The following WDR3 variants were observed in gnomAD, a reference collection of about 807,000 sequenced individuals.
WDR3 encodes WD repeat-containing protein 3.
A neutral mutation model predicts 123.7 loss-of-function variants in WDR3; 81 were observed. The observed-to-expected ratio is 0.65, with a 90% confidence interval of 0.55 to 0.79. The LOEUF (loss-of-function observed/expected upper bound fraction) is 0.79, where lower values mean the gene tolerates loss of function less well. WDR3 is among the 30% of genes least tolerant of loss of function. WDR3 has a pLI of 0.00. For synonymous variants in WDR3, 390 were observed against 388.8 expected (o/e 1.00, Z -0.04); for missense variants, 1,027 against 1,123.2 (o/e 0.91, Z 1.22).
Position 117,938,547 on chromosome 1 carries a change from C to T in WDR3, c.568C>T (p.His190Tyr). The T allele has an allele frequency of 1.2e-6, 2 of 1,613,136 alleles. No individual in the cohort carries two copies. The highest frequency in any genetic ancestry group is 8.5e-7 in the Non-Finnish European group (1 of 1,179,308). The change falls in exon 5 of 27, where the codon CAC (histidine) becomes TAC (tyrosine). Residue 190 changes from histidine to tyrosine, a missense_variant. Physicochemically the swap from His to Tyr is moderately conservative, Grantham distance 83. Transcript: ENST00000349139. ...GCACTGCTTTAAAACAATGGTTGGCCACCGGACTGAGGTAAGTGTAGGGTC... is the reference window on the plus strand; with the variant it reads ...GCACTGCTTTAAAACAATGGTTGGCTACCGGACTGAGGTAAGTGTAGGGTC... ...TQHCFKTMVG[H>Y]RTEVWGLVLL...
At chr1:117,938,150 C>T (rs979666364) in intron 4 of WDR3, among the ~76,000 whole-genome samples, 4 of 152,104 alleles carry the variant, frequency 2.6e-5, no homozygotes, top group African/African-American at 9.7e-5. Context: ...AAGATGTTTC[C>T]ATGGTAGACT....
chr1:117,959,301 G>A lies in WDR3; in HGVS notation c.2686G>A (p.Gly896Ser), dbSNP rs1652689586. Residue 896 changes from glycine (G) to serine (S), a missense_variant, in exon 27 of 27, where the codon GGC (glycine) becomes AGC (serine). Transcript: ENST00000349139. ...SKVSQVRDVIGFNMAGLDYLK... is the reference protein window; with the variant it reads ...SKVSQVRDVISFNMAGLDYLK... Reference sequence around the variant, plus strand: ...TTGTATTGCACTCCAGGATGTTATCGGCTTCAATATGGCTGGTCTTGATTA... The same window carrying A: ...TTGTATTGCACTCCAGGATGTTATCAGCTTCAATATGGCTGGTCTTGATTA... The A allele has an allele frequency of 6.8e-6, 11 of 1,609,648 alleles. No individual in the cohort carries two copies. Among genetic ancestry groups the A allele is most frequent in the South Asian group, 2.2e-5 (2 of 89,644 alleles).
At chr1:117,938,431 T>A in intron 4 of WDR3, 49 bp from the exon 5 acceptor site, 1 of 1,504,270 alleles carries the variant, frequency 6.6e-7, no homozygotes, top group Non-Finnish European at 9.2e-7. Context: ...ATTCGTTGAA[T>A]GAGTTTTCCT....
intron 20 of WDR3, 40 bp from the exon 21 acceptor site, chr1:117,953,436 A>G: frequency 6.3e-7 from 1 of 1,593,424 alleles, no homozygotes; most frequent in Non-Finnish European, 8.6e-7. Flanking sequence ...TTAACTCAAC[A>G]GTCAACAGTG....
At position 117,964,069 on chromosome 1, in the gene WDR3, A is replaced by T; in HGVS notation, c.*4622A>T. On this transcript the variant is annotated 3_prime_UTR_variant, in exon 27 of 27. Transcript: ENST00000349139. ...TCAATTTTAGGTAACTGTCTATCCA[A>T]TGCAAATTCTGCATGCTCAGGCTTG... The T allele has an allele frequency of 9.8e-7, 1 of 1,019,064 alleles. No homozygotes were observed. The highest frequency in any genetic ancestry group is 2.5e-5 in the East Asian group (1 of 40,138). 63.1% of individuals were successfully genotyped at this position (1,019,064 alleles called of 1,614,324 possible). A position where few individuals can be genotyped will look rare whatever the true frequency, so the allele number is the denominator to read the frequency against.
intron 12 of WDR3, among the ~76,000 whole-genome samples, chr1:117,947,684 G>T (rs900285068): frequency 2.6e-5 from 4 of 152,122 alleles, no homozygotes; most frequent in African/African-American, 7.2e-5. Context: ...GAAAAACTAG[G>T]TTCATGGGGA....
Position 117,963,955 on chromosome 1 carries a change from G to A in WDR3, c.*4508G>A. On this transcript the variant is annotated 3_prime_UTR_variant, in exon 27 of 27. Transcript: ENST00000349139. ...TTAAAACAGGTAAAATACTTGTTAA[G>A]GGCTGTGCTTTTCATGACTAAATTA... 1 of 1,602,742 alleles carries A rather than the reference G, an allele frequency of 6.2e-7. No homozygotes were observed. Among genetic ancestry groups the A allele is most frequent in the Non-Finnish European group, 8.5e-7 (1 of 1,174,446 alleles).
rs1571081391 is a variant in WDR3, at chr1:117,966,418, T to C, written c.*6971T>C. On this transcript the variant is annotated 3_prime_UTR_variant, in exon 27 of 27. Coordinates refer to ENST00000349139, the MANE Select transcript of WDR3 (RefSeq NM_006784.3). The stretch of plus-strand genomic sequence containing the variant: ...CTGAAGTTACTGCACATATACTATG[T>C]GTCAGGTATTTTTTTAGATTTGGCT... 4 of 483,800 alleles carry C rather than the reference T, an allele frequency of 8.3e-6. No individual in the cohort carries two copies. In the East Asian group the frequency reaches 1.3e-4, roughly 16 times the overall value. 30.0% of individuals were successfully genotyped at this position (483,800 alleles called of 1,614,324 possible).
chr1:117,934,614 G>A lies in WDR3; in HGVS notation c.313G>A (p.Gly105Ser). 1 of 1,614,086 alleles carries A rather than the reference G, an allele frequency of 6.2e-7. No homozygotes were observed. Among genetic ancestry groups the A allele is most frequent in the Non-Finnish European group, 8.5e-7 (1 of 1,180,008 alleles). Residue 105 changes from glycine to serine, a missense_variant, in exon 3 of 27, where the codon GGT becomes AGT. By Grantham distance (56) the Gly-to-Ser change is moderately conservative. Transcript: ENST00000349139. ...LSGEGNVTFN[G>S]HKAAITTLKY... is the part of the protein sequence containing the mutation. Reference sequence around the variant, plus strand: ...TGGGGAAGGAAATGTGACCTTCAATGGTCACAAAGCAGCTATCACTACCTT... The same window carrying A: ...TGGGGAAGGAAATGTGACCTTCAATAGTCACAAAGCAGCTATCACTACCTT...
Position 117,942,431 on chromosome 1 carries a change from C to G in WDR3, c.990-6C>G. ...GAGCATGATATACTTTTCTTCTTCC[C>G]TCTAGATTACATTCTAGCAAAGGAG... On this transcript the variant is annotated splice_region_variant and splice_polypyrimidine_tract_variant and intron_variant, in intron 9 of 26. Transcript: ENST00000349139. The G allele has an allele frequency of 6.2e-7, 1 of 1,610,328 alleles. No individual in the cohort carries two copies.
chr1:117,943,676 AT>A lies in WDR3; in HGVS notation c.1328+58del, dbSNP rs200391598. On this transcript the variant is annotated intron_variant, in intron 11 of 26. Transcript: ENST00000349139. Reference sequence around the variant, plus strand: ...GCTGTAGTTAGTAGTATTTCTTTTAATTTTTTTTGGTACTCTTAAGGGTTAG... The same window carrying A: ...GCTGTAGTTAGTAGTATTTCTTTTAATTTTTTTGGTACTCTTAAGGGTTAG... 95 of 1,550,528 alleles carry A rather than the reference AT, an allele frequency of 6.1e-5. 1 individual carries two copies. Among genetic ancestry groups the A allele is most frequent in the East Asian group, 3.2e-4 (14 of 44,362 alleles).
chr1:117,943,369 A>T, intron 10 of WDR3, 27 bp from the exon 11 acceptor site: 1 of 1,581,318 alleles, frequency 6.3e-7, no homozygotes, highest in Non-Finnish European at 8.7e-7. Flanking sequence ...TGGTAGCTAG[A>T]ACATTTATGA....
intron 7 of WDR3, 36 bp from the exon 8 acceptor site, chr1:117,941,088 A>G: frequency 6.2e-7 from 1 of 1,608,352 alleles, no homozygotes; most frequent in East Asian, 2.2e-5. Context: ...AGCAGAACTT[A>G]CATCTAACCT....
intron 3 of WDR3, among the ~76,000 whole-genome samples, chr1:117,935,171 A>G (rs1319859799): frequency 1.3e-5 from 2 of 152,222 alleles, no homozygotes; most frequent in Admixed American, 6.5e-5. Flanking sequence ...GATATAATCC[A>G]TGTTCTTGAA....
At chr1:117,941,716 C>T (rs1361679019) in intron 8 of WDR3, 34 bp from the exon 9 acceptor site, 2 of 1,593,960 alleles carry the variant, frequency 1.3e-6, no homozygotes, top group African/African-American at 1.4e-5. Context: ...CAAATTACCT[C>T]TCCTTGACTC....
intron 16 of WDR3, among the ~76,000 whole-genome samples, chr1:117,951,703 G>A (rs987961502): frequency 2.0e-5 from 3 of 152,006 alleles, no homozygotes; most frequent in Admixed American, 6.6e-5. Context: ...CCTATCTAAC[G>A]AAGTAAATAG....
At chr1:117,954,542 A>T in intron 22 of WDR3, 38 bp from the exon 23 acceptor site, 1 of 1,600,962 alleles carries the variant, frequency 6.2e-7, no homozygotes, top group Non-Finnish European at 8.5e-7. Context: ...CCTAAGTCTC[A>T]GTTTTTTTAA....
intron 20 of WDR3, 32 bp downstream of exon 20, chr1:117,953,028 C>A (rs1322334196): frequency 1.2e-6 from 2 of 1,605,866 alleles, no homozygotes; most frequent in Admixed American, 1.7e-5. Context: ...TGAGATTATG[C>A]CCCATATATA....
intron 2 of WDR3, chr1:117,933,691 A>G (rs1448454764): frequency 7.6e-6 from 5 of 657,330 alleles, no homozygotes; most frequent in Non-Finnish European, 1.4e-5. Context: ...GAAAACCACA[A>G]TGAAATAGGA....
Sources: allele counts gnomAD v4.1 joint callset (sites outside exome capture counted in the v4.1 genomes callset), GRCh38; gene constraint gnomAD v4.1.1; transcripts MANE v1.5; gene names NCBI Gene and HGNC (gene_info 2026-07-23, HGNC 2026-07-21).